Variants in SLIT1 observed in about 807,000 individuals in gnomAD.
SLIT1 encodes slit homolog 1 protein.
In SLIT1, 66 loss-of-function variants were observed where a neutral mutation model predicts 186.1. The observed-to-expected ratio is 0.35, with a 90% CI of 0.29 to 0.44. The LOEUF (loss-of-function observed/expected upper bound fraction) is 0.44, where lower values mean the gene tolerates loss of function less well. Ranked by LOEUF, SLIT1 falls within the 20% of genes least tolerant of loss-of-function variation. The probability of loss-of-function intolerance (pLI) is 1.00; values close to 1 mark genes in which losing one functional copy is unlikely to be tolerated. For missense variants in SLIT1, 1,638 were observed against 2,037.4 expected, an observed-to-expected ratio of 0.80 and a Z score of 3.77; for synonymous variants, 761 against 833.8, an observed-to-expected ratio of 0.91 and a Z score of 1.50.
intron 4 of SLIT1, among the ~76,000 whole-genome samples, chr10:97,091,412 T>C (rs1849230710): frequency 6.6e-6 from 1 of 152,200 alleles, no homozygotes. Flanking sequence ...TGTGGTAGAG[T>C]TGCAAATCAT....
In SLIT1 at chr10:97,040,128, A is replaced by C. The variant is rs751606124; in HGVS notation, c.2165-8T>G. 29 of 1,553,686 alleles carry C rather than the reference A, an allele frequency of 1.9e-5. No individual in the cohort carries two copies. Among genetic ancestry groups the C allele is most frequent in the Non-Finnish European group, 2.3e-5 (27 of 1,151,626 alleles). On this transcript the variant is annotated splice_region_variant and splice_polypyrimidine_tract_variant and intron_variant, in intron 20 of 36. Transcript: ENST00000266058. ...AGCCCCCCTCCTCCTGGCCTAGGGA[A>C]GAAGGCACGAAGCCCCTGTCAGGGA...
chr10:97,009,529 C>A (rs1848393508), intron 31 of SLIT1, among the ~76,000 whole-genome samples: 1 of 152,094 alleles, frequency 6.6e-6, no homozygotes, highest in African/African-American at 2.4e-5. Context: ...CTATAAAAGT[C>A]TTAGAAGACA....
At chr10:97,037,612 A>T in intron 22 of SLIT1, 86 bp downstream of exon 22, 1 of 1,011,970 alleles carries the variant, frequency 9.9e-7, no homozygotes, top group Non-Finnish European at 1.6e-6. Context: ...CCCAGAAGTG[A>T]GGTCCGTAGG....
intron 4 of SLIT1, among the ~76,000 whole-genome samples, chr10:97,111,164 T>C (rs925064609): frequency 7.9e-5 from 12 of 151,214 alleles, no homozygotes; most frequent in Admixed American, 7.3e-4. Flanking sequence ...CACTCCAGCC[T>C]GGGTGTCAGA....
chr10:97,031,125 C>T (rs976057049), intron 24 of SLIT1, among the ~76,000 whole-genome samples: 6 of 152,176 alleles, frequency 3.9e-5, no homozygotes, highest in East Asian at 1.9e-4. Flanking sequence ...AGGGGGGAGG[C>T]GCTTCTTCTT....
At chr10:97,015,001 G>C (rs1446435305) in intron 28 of SLIT1, among the ~76,000 whole-genome samples, 1 of 152,202 alleles carries the variant, frequency 6.6e-6, no homozygotes, top group Non-Finnish European at 1.5e-5. Flanking sequence ...CTGGTCATGA[G>C]GGGCCCTGGG....
chr10:97,110,122 G>A (rs1207498896), intron 4 of SLIT1, among the ~76,000 whole-genome samples: 2 of 152,220 alleles, frequency 1.3e-5, no homozygotes, highest in Non-Finnish European at 2.9e-5. Context: ...GTCATGGAAT[G>A]AGGACATTCT....
intron 7 of SLIT1, 68 bp from the exon 8 acceptor site, chr10:97,063,686 A>G (rs1456176411): frequency 1.3e-6 from 2 of 1,484,806 alleles, no homozygotes; most frequent in African/African-American, 2.8e-5. Context: ...TGGGAACCCC[A>G]ATCTCAGGCA....
chr10:97,134,129 G>A (rs1849679720), intron 4 of SLIT1, among the ~76,000 whole-genome samples: 1 of 152,174 alleles, frequency 6.6e-6, no homozygotes, highest in East Asian at 1.9e-4. Flanking sequence ...ATCTCAAGAG[G>A]CTGGGGCGGC....
chr10:97,095,139 C>G (rs367783140), intron 4 of SLIT1, among the ~76,000 whole-genome samples: 2 of 152,170 alleles, frequency 1.3e-5, no homozygotes, highest in African/African-American at 4.8e-5. Context: ...AAAAGTTAGT[C>G]AGGCATGGTA....
At chr10:97,065,928 C>A (rs949173805) in intron 5 of SLIT1, 87 bp downstream of exon 5, 1 of 1,003,600 alleles carries the variant, frequency 1.0e-6, no homozygotes, top group Non-Finnish European at 1.5e-6. Context: ...GCCTGGACCA[C>A]ACGGCTCGCT....
intron 4 of SLIT1, among the ~76,000 whole-genome samples, chr10:97,134,035 G>T (rs913717779): frequency 6.6e-6 from 1 of 152,182 alleles, no homozygotes; most frequent in Non-Finnish European, 1.5e-5. Context: ...TTCCTAGGGC[G>T]CTATCAGGCC....
intron 4 of SLIT1, among the ~76,000 whole-genome samples, chr10:97,095,889 C>T (rs1849283632): frequency 6.6e-6 from 1 of 152,194 alleles, no homozygotes; most frequent in Admixed American, 6.5e-5. Flanking sequence ...ACACAAATCC[C>T]CTGGGGACTT....
At chr10:97,002,521 C>A in intron 35 of SLIT1, 152 bp from the exon 36 acceptor site, 1 of 754,692 alleles carries the variant, frequency 1.3e-6, no homozygotes, top group Non-Finnish European at 2.1e-6. Context: ...GAGTTGCATG[C>A]GACTATGTGT....
chr10:97,035,538 C>T (rs930382009), intron 22 of SLIT1, among the ~76,000 whole-genome samples: 7 of 152,268 alleles, frequency 4.6e-5, no homozygotes, highest in African/African-American at 1.4e-4. Flanking sequence ...TGCCCTCCTC[C>T]TGAGCCAGCG....
rs552950629 is a variant in SLIT1 at position 97,059,126 on chromosome 10, G to A, written c.1085+334C>T. 2.6e-4 allele frequency among the ~76,000 whole-genome samples: 39 copies of A among 152,342 alleles called. No individual in the cohort carries two copies. In the East Asian group the frequency reaches 5.6e-3, roughly 22 times the overall value. On this transcript the variant is annotated intron_variant, in intron 11 of 36. Coordinates refer to ENST00000266058, the MANE Select transcript of SLIT1 (RefSeq NM_003061.3). The stretch of plus-strand genomic sequence containing the variant: ...GAGCACAGCATGCTGGGCTTCGGGC[G>A]GGGGACGGGGCCAAGATGGTTGTGC...
intron 4 of SLIT1, among the ~76,000 whole-genome samples, chr10:97,130,727 T>G (rs761557999): frequency 6.6e-6 from 1 of 152,194 alleles, no homozygotes; most frequent in Non-Finnish European, 1.5e-5. Flanking sequence ...ATAGCTGCAC[T>G]TATACTTCGT....
chr10:97,137,969 A>G (rs1156803731), intron 4 of SLIT1, among the ~76,000 whole-genome samples: 1 of 152,248 alleles, frequency 6.6e-6, no homozygotes, highest in East Asian at 1.9e-4. Context: ...CGAGCCGGTG[A>G]GTAGCAGAGC....
At chr10:97,060,220 C>T in intron 9 of SLIT1, 62 bp from the exon 10 acceptor site, 1 of 1,338,122 alleles carries the variant, frequency 7.5e-7, no homozygotes, top group Non-Finnish European at 1.1e-6. Flanking sequence ...TGGGTGTTAT[C>T]TGCTGGGCTC....
Sources: gnomAD v4.1 joint callset for allele counts (sites outside exome capture counted in the v4.1 genomes callset) on GRCh38, gnomAD v4.1.1 for gene constraint, MANE v1.5 for transcripts, NCBI Gene and HGNC (gene_info 2026-07-23, HGNC 2026-07-21) for gene names.